The following IRAG2 variants were observed in gnomAD, a reference collection of about 807,000 sequenced individuals.
IRAG2 encodes the protein lymphoid restricted membrane protein.
In IRAG2, 45 loss-of-function variants were observed where a neutral mutation model predicts 69.9. The ratio of observed to expected loss-of-function variants is 0.64; its 90% confidence interval spans 0.51 to 0.83. The LOEUF (loss-of-function observed/expected upper bound fraction) is 0.83, where lower values mean the gene tolerates loss of function less well. Ranked by LOEUF, IRAG2 falls within the 40% of genes least tolerant of loss-of-function variation. IRAG2 has a pLI of 0.00. For missense variants in IRAG2, 520 were observed against 587.0 expected, an observed-to-expected ratio of 0.89 and a Z score of 1.18; for synonymous variants, 193 against 202.4, an observed-to-expected ratio of 0.95 and a Z score of 0.40.
chr12:25,002,703 A>AT (rs1944401173), upstream of IRAG2, among the ~76,000 whole-genome samples: 1 of 150,186 alleles, frequency 6.7e-6, no homozygotes, highest in African/African-American at 2.5e-5. Context: ...GTGCCGTAGC[A>AT]TGATCTCAGC....
intron 5 of IRAG2, among the ~76,000 whole-genome samples, chr12:25,068,460 GAGGCTTTACT>G (rs1946127960): frequency 6.6e-6 from 1 of 151,974 alleles, no homozygotes; most frequent in Non-Finnish European, 1.5e-5. Context: ...GGTTTTTATG[GAGGCTTTACT>G]AGGCACGATT....
At position 25,089,681 on chromosome 12, in the gene IRAG2, A is replaced by C. The variant is rs1565577581; in HGVS notation, c.437+4A>C. ...TTAACCTTAGACAAAGTGAGAAGTA[A>C]GTGCTTCTTCATGTAGCATGTTAAC... On this transcript the variant is annotated splice_donor_region_variant and intron_variant, in intron 12 of 21. Transcript: ENST00000556887. 4 of 1,607,908 alleles carry C rather than the reference A, an allele frequency of 2.5e-6. No homozygotes were observed. The highest frequency in any genetic ancestry group is 3.4e-6 in the Non-Finnish European group (4 of 1,174,648).
chr12:25,027,421 AT>A (rs1336456117), intron 9 of IRAG2, among the ~76,000 whole-genome samples: 4 of 145,842 alleles, frequency 2.7e-5, no homozygotes, highest in African/African-American at 5.0e-5. Context: ...TTGAGACAGA[AT>A]CTCGCTCTTT....
At chr12:25,071,977 G>A (rs1336032748) in intron 6 of IRAG2, among the ~76,000 whole-genome samples, 3 of 152,156 alleles carry the variant, frequency 2.0e-5, no homozygotes, top group Non-Finnish European at 2.9e-5. Context: ...ACCGAGGCAG[G>A]TGGATCACCT....
chr12:25,090,571 A>G (rs1291887972), intron 14 of IRAG2, among the ~76,000 whole-genome samples: 1 of 152,130 alleles, frequency 6.6e-6, no homozygotes, highest in Non-Finnish European at 1.5e-5. Flanking sequence ...ACACCCACAG[A>G]AAACATTTGG....
At chr12:25,053,663 T>C (rs1945015212) in intron 1 of IRAG2, among the ~76,000 whole-genome samples, 1 of 152,076 alleles carries the variant, frequency 6.6e-6, no homozygotes, top group African/African-American at 2.4e-5. Flanking sequence ...ACCTTACTTA[T>C]TTAGCCATTT....
intron 2 of IRAG2, among the ~76,000 whole-genome samples, chr12:25,009,402 A>G (rs1046216073): frequency 3.3e-5 from 5 of 152,234 alleles, no homozygotes; most frequent in African/African-American, 1.2e-4. Context: ...TTATTTCCTT[A>G]GGATGAGTGG....
intron 17 of IRAG2, chr12:25,102,790 T>C (rs553333327): frequency 1.9e-3 from 285 of 152,518 alleles, no homozygotes; most frequent in Middle Eastern, 3.4e-3. Context: ...GGAGGCTGTA[T>C]GCCTAGCTAA....
At chr12:25,086,415 C>T (rs1411149202) in intron 10 of IRAG2, among the ~76,000 whole-genome samples, 1 of 152,158 alleles carries the variant, frequency 6.6e-6, no homozygotes, top group East Asian at 1.9e-4. Flanking sequence ...AGTCAAATTT[C>T]AGGCTGATCT....
intron 2 of IRAG2, among the ~76,000 whole-genome samples, chr12:25,008,179 T>C (rs1387490631): frequency 1.3e-5 from 2 of 152,264 alleles, no homozygotes; most frequent in Admixed American, 6.5e-5. Context: ...CTTCCTAATG[T>C]ATCACCTGAA....
intron 1 of IRAG2, among the ~76,000 whole-genome samples, chr12:25,060,948 G>A (rs908746987): frequency 2.6e-5 from 4 of 151,966 alleles, no homozygotes; most frequent in Admixed American, 6.6e-5. Flanking sequence ...AATTAGAGGT[G>A]TGAGCCACTG....
intron 16 of IRAG2, among the ~76,000 whole-genome samples, chr12:25,101,735 A>G (rs563688303): frequency 6.6e-6 from 1 of 152,360 alleles, no homozygotes; most frequent in African/African-American, 2.4e-5. Flanking sequence ...CAGTAAGCTG[A>G]TTGATGAACT....
At chr12:25,035,341 A>G (rs1438186140) in intron 13 of IRAG2, 11 of 188,168 alleles carry the variant, frequency 5.8e-5, no homozygotes, top group Non-Finnish European at 1.1e-4. Flanking sequence ...TTCTCCATCA[A>G]TTTTTTCCCC....
chr12:25,009,760 T>A (rs1014856190), intron 2 of IRAG2, among the ~76,000 whole-genome samples: 1 of 151,740 alleles, frequency 6.6e-6, no homozygotes, highest in South Asian at 2.1e-4. Context: ...GCCAGCAGGC[T>A]TGAAGCAAGG....
upstream of IRAG2, among the ~76,000 whole-genome samples, chr12:25,050,535 ACAAAC>A (rs1235638559): frequency 8.1e-6 from 1 of 123,014 alleles, no homozygotes; most frequent in Non-Finnish European, 1.7e-5. Context: ...CTCAAAAAAA[ACAAAC>A]AAACAAACAA....
At chr12:25,089,504 G>A in intron 11 of IRAG2, 110 bp from the exon 12 acceptor site, 31 of 639,478 alleles carry the variant, frequency 4.8e-5, no homozygotes. Context: ...GATCATCTCA[G>A]ACATATTTAA....
At chr12:25,045,120 A>G (rs947519257) in intron 16 of IRAG2, among the ~76,000 whole-genome samples, 2 of 152,170 alleles carry the variant, frequency 1.3e-5, no homozygotes, top group Non-Finnish European at 2.9e-5. Flanking sequence ...GGAAATATTC[A>G]CAAATATGTG....
At chr12:25,053,352 A>G (rs1016337090) in intron 1 of IRAG2, among the ~76,000 whole-genome samples, 3 of 151,766 alleles carry the variant, frequency 2.0e-5, no homozygotes, top group African/African-American at 4.8e-5. Context: ...ATATGGTAGA[A>G]AAGGCCTTGC....
At chr12:25,045,842 A>G (rs1241687646) in intron 16 of IRAG2, among the ~76,000 whole-genome samples, 2 of 37,232 alleles carry the variant, frequency 5.4e-5, no homozygotes, top group East Asian at 2.0e-3. Flanking sequence ...TTTACCAAAT[A>G]AAAGATAAAA....
Sources: gnomAD v4.1 joint callset for allele counts (sites outside exome capture counted in the v4.1 genomes callset) on GRCh38, gnomAD v4.1.1 for gene constraint, MANE v1.5 for transcripts, NCBI Gene and HGNC (gene_info 2026-07-23, HGNC 2026-07-21) for gene names.